INTS9: variants seen among roughly 807,000 people sequenced by gnomAD.
INTS9 encodes integrator complex subunit 9.
INTS9 carries 55 observed loss-of-function variants against 79.7 expected under a neutral mutation model. That is an observed-to-expected ratio of 0.69 (90% CI 0.56 to 0.86). INTS9 has a LOEUF of 0.86. INTS9 is among the 40% of genes least tolerant of loss of function. The pLI is 0.00. For synonymous variants in INTS9, 319 were observed against 325.2 expected, an observed-to-expected ratio of 0.98 and a Z score of 0.20; for missense variants, 721 against 831.5, an observed-to-expected ratio of 0.87 and a Z score of 1.64.
At chr8:28,889,753 C>CT in intron 1 of INTS9, 121 bp downstream of exon 1, 1 of 1,135,728 alleles carries the variant, frequency 8.8e-7, no homozygotes, top group Non-Finnish European at 1.3e-6. Context: ...GCCCACTCCA[C>CT]TTTCCAGCTC....
intron 10 of INTS9, among the ~76,000 whole-genome samples, chr8:28,793,171 C>CTGTGA (rs1314048335): frequency 6.6e-6 from 1 of 152,182 alleles, no homozygotes. Flanking sequence ...CCTAGACTGC[C>CTGTGA]TGTGTCACAG....
intron 6 of INTS9, among the ~76,000 whole-genome samples, chr8:28,814,284 T>TCACACA (rs60850682): frequency 0.011 from 1,508 of 134,270 alleles, 10 homozygotes; most frequent in Middle Eastern, 0.018. Flanking sequence ...ACAGGGCTTC[T>TCACACA]CACACACACA....
chr8:28,768,148 A>G lies in INTS9; in HGVS notation c.1975T>C (p.Ter659ArgextTer40). Reference protein sequence around the residue: ...DLVLKFLQKF* With the variant: ...DLVLKFLQKFR ...GGGAAGTAGCTCAGATGGCCCACTCAGAACTTCTGTAAGAATTTGAGGACA... is the reference window on the plus strand; with the variant it reads ...GGGAAGTAGCTCAGATGGCCCACTCGGAACTTCTGTAAGAATTTGAGGACA... The change falls in exon 17 of 17, where the codon TGA becomes CGA. Residue 659 changes from the stop codon to arginine (R), a stop_lost. Transcript: ENST00000521022. The G allele has an allele frequency of 1.9e-6, 3 of 1,614,132 alleles. No individual in the cohort carries two copies. The highest frequency in any genetic ancestry group is 2.5e-6 in the Non-Finnish European group (3 of 1,180,014).
At chr8:28,841,206 C>T (rs1367529647) in intron 4 of INTS9, among the ~76,000 whole-genome samples, 1 of 152,188 alleles carries the variant, frequency 6.6e-6, no homozygotes, top group Non-Finnish European at 1.5e-5. Flanking sequence ...CAACCTTCAC[C>T]CCAAGTTGTG....
chr8:28,869,863 C>A (rs1411508496), intron 1 of INTS9, among the ~76,000 whole-genome samples: 1 of 152,050 alleles, frequency 6.6e-6, no homozygotes, highest in Non-Finnish European at 1.5e-5. Context: ...ATATCACACA[C>A]AGCTGAGTAA....
chr8:28,841,818 G>A (rs1053950908), intron 4 of INTS9, among the ~76,000 whole-genome samples: 3 of 152,198 alleles, frequency 2.0e-5, no homozygotes, highest in African/African-American at 7.2e-5. Flanking sequence ...AGATGTGGTG[G>A]CTCATGCCTG....
At chr8:28,804,341 A>T (rs1230891482) in intron 8 of INTS9, among the ~76,000 whole-genome samples, 2 of 152,238 alleles carry the variant, frequency 1.3e-5, no homozygotes, top group East Asian at 3.8e-4. Context: ...GGGGTCTTGC[A>T]ATGAGGACAA....
intron 8 of INTS9, among the ~76,000 whole-genome samples, chr8:28,807,855 T>C (rs1400510810): frequency 6.6e-6 from 1 of 152,196 alleles, no homozygotes; most frequent in African/African-American, 2.4e-5. Flanking sequence ...CGTAGTATTA[T>C]AGGGCTCAGT....
intron 8 of INTS9, among the ~76,000 whole-genome samples, chr8:28,803,365 G>A (rs944871720): frequency 6.6e-6 from 1 of 152,180 alleles, no homozygotes; most frequent in Non-Finnish European, 1.5e-5. Flanking sequence ...ATTAGCCAGG[G>A]CCAGAAAGGC....
intron 6 of INTS9, among the ~76,000 whole-genome samples, chr8:28,828,981 C>T (rs530199406): frequency 1.2e-4 from 19 of 152,252 alleles, no homozygotes; most frequent in South Asian, 8.3e-4. Flanking sequence ...CCACGCCCAG[C>T]CAGTTTTCTT....
chr8:28,785,904 G>C (rs241188), intron 11 of INTS9, among the ~76,000 whole-genome samples: 101,682 of 151,972 alleles, frequency 0.67, 34,538 homozygotes, highest in Non-Finnish European at 0.73. Context: ...ATCTAACTCT[G>C]TACACCTTGA....
intron 6 of INTS9, among the ~76,000 whole-genome samples, chr8:28,831,709 C>G (rs1196402210): frequency 1.3e-5 from 2 of 151,682 alleles, no homozygotes; most frequent in African/African-American, 4.8e-5. Context: ...AAATATTGCC[C>G]TTTTTTTTAG....
intron 6 of INTS9, among the ~76,000 whole-genome samples, chr8:28,814,284 T>TCACACACACACACA (rs60850682): frequency 6.7e-5 from 9 of 134,340 alleles, no homozygotes; most frequent in African/African-American, 1.1e-4. Context: ...ACAGGGCTTC[T>TCACACACACACACA]CACACACACA....
chr8:28,863,250 C>T (rs762171650), intron 1 of INTS9, among the ~76,000 whole-genome samples: 1 of 152,076 alleles, frequency 6.6e-6, no homozygotes, highest in Non-Finnish European at 1.5e-5. Context: ...CTAGTAAGTA[C>T]AGAATAATCT....
chr8:28,854,300 G>A (rs1212341165), intron 2 of INTS9, among the ~76,000 whole-genome samples: 1 of 152,160 alleles, frequency 6.6e-6, no homozygotes, highest in East Asian at 1.9e-4. Flanking sequence ...TGGAATGATA[G>A]TAAATAAACA....
intron 1 of INTS9, among the ~76,000 whole-genome samples, chr8:28,886,569 C>G (rs1810187128): frequency 6.6e-6 from 1 of 152,188 alleles, no homozygotes; most frequent in Non-Finnish European, 1.5e-5. Context: ...TTGAACCACA[C>G]TTGCATTTAA....
intron 16 of INTS9, among the ~76,000 whole-genome samples, chr8:28,768,747 C>T (rs946629178): frequency 6.6e-6 from 1 of 152,234 alleles, no homozygotes; most frequent in African/African-American, 2.4e-5. Context: ...GGAGAGAAGG[C>T]AGCAGTGCAA....
At chr8:28,813,387 A>G (rs975519711) in intron 7 of INTS9, 105 bp downstream of exon 7, 1 of 1,133,312 alleles carries the variant, frequency 8.8e-7, no homozygotes, top group Admixed American at 1.9e-5. Flanking sequence ...GATCCTCAGC[A>G]ATGGAATGGC....
intron 6 of INTS9, among the ~76,000 whole-genome samples, chr8:28,823,586 C>T (rs1323327417): frequency 6.9e-6 from 1 of 144,494 alleles, no homozygotes; most frequent in East Asian, 2.5e-4. Flanking sequence ...GTGTACCTTT[C>T]TTCTGTTAAC....
Sources: gnomAD v4.1 joint callset for allele counts (sites outside exome capture counted in the v4.1 genomes callset) on GRCh38, gnomAD v4.1.1 for gene constraint, MANE v1.5 for transcripts, NCBI Gene and HGNC (gene_info 2026-07-23, HGNC 2026-07-21) for gene names.